Variants in RAG1 observed in about 807,000 individuals in gnomAD.
The protein encoded by RAG1 is V(D)J recombination-activating protein 1.
RAG1 carries 35 observed loss-of-function variants against 62.7 expected under a neutral mutation model. The ratio of observed to expected loss-of-function variants is 0.56; its 90% CI spans 0.43 to 0.74. The LOEUF (loss-of-function observed/expected upper bound fraction) is 0.74. Among genes scored for constraint, RAG1 ranks in the 30% least tolerant of loss-of-function variants. RAG1 has a pLI of 0.00. For synonymous variants in RAG1, 461 were observed against 470.3 expected (o/e 0.98, Z 0.26); for missense variants, 1,169 against 1,278.6 (o/e 0.91, Z 1.31).
chr11:36,561,379 T>C (rs533461949), intron 3 of RAG1, among the ~76,000 whole-genome samples: 92 of 152,340 alleles, frequency 6.0e-4, no homozygotes, highest in African/African-American at 2.2e-3. Flanking sequence ...CAGCCTTTGA[T>C]GCAAATTTCA....
intron 3 of RAG1, among the ~76,000 whole-genome samples, chr11:36,550,313 T>A (rs1425124654): frequency 6.6e-6 from 1 of 151,910 alleles, no homozygotes; most frequent in Non-Finnish European, 1.5e-5. Flanking sequence ...GTATACCAAA[T>A]CAAAAGATGG....
intron 2 of RAG1, among the ~76,000 whole-genome samples, chr11:36,533,494 A>G (rs1211408822): frequency 1.3e-5 from 2 of 152,174 alleles, no homozygotes; most frequent in East Asian, 3.8e-4. Flanking sequence ...GCCCTTTACT[A>G]AACTTTTGTG....
intron 2 of RAG1, among the ~76,000 whole-genome samples, chr11:36,529,764 G>C (rs1360977208): frequency 1.3e-5 from 2 of 151,866 alleles, no homozygotes; most frequent in African/African-American, 4.8e-5. Context: ...ATTCAGGAAG[G>C]ATATTGATTT....
rs1432514062 is a variant in RAG1 at position 36,568,179 on chromosome 11, C to T, written c.-15+57C>T. 3.3e-5 allele frequency: 5 copies of T among 152,108 alleles called. 1 individual carries two copies. The South Asian group carries it at 8.3e-4, about 25-fold the overall frequency. The allele number at this position is 152,108 out of a possible 1,614,324, so 9.4% of individuals were successfully genotyped here. A position where few individuals can be genotyped will look rare whatever the true frequency, so the allele number is the denominator to read the frequency against. ...AAATATTTATTACATTTTTATGTTT[C>T]TAACTAGAAGTGCTTGAGCTTTTTT... On this transcript the variant is annotated intron_variant, in intron 1 of 1. Transcript: ENST00000299440.
intron 1 of RAG1, among the ~76,000 whole-genome samples, chr11:36,514,622 G>A (rs1458626912): frequency 6.6e-6 from 1 of 152,210 alleles, no homozygotes; most frequent in Non-Finnish European, 1.5e-5. Context: ...TCCCATCTGG[G>A]GGTGATGAGA....
chr11:36,562,211 A>G (rs1395773026), intron 3 of RAG1, among the ~76,000 whole-genome samples: 2 of 152,190 alleles, frequency 1.3e-5, no homozygotes, highest in Non-Finnish European at 2.9e-5. Flanking sequence ...GAAGAGATAA[A>G]TGAAAGATAA....
rs1326692076 is a variant in RAG1, at chr11:36,574,423, TCAC to T, written c.1123_1125del (p.His375del). On this transcript the variant is annotated inframe_deletion, in exon 2 of 2. Transcript: ENST00000299440. ...AGGAGGTCAGTTTGGAAAAATATAA[TCAC>T]CACATCTCAAGTCACAAGGAATCAA... 6.2e-7 allele frequency: 1 copy of T among 1,614,170 alleles called. No individual in the cohort carries two copies. Among genetic ancestry groups the T allele is most frequent in the Admixed American group, 1.7e-5 (1 of 60,020 alleles).
upstream of RAG1, among the ~76,000 whole-genome samples, chr11:36,564,218 G>T (rs920378275): frequency 1.3e-5 from 2 of 152,180 alleles, no homozygotes; most frequent in African/African-American, 4.8e-5. Context: ...GACTGGTCAG[G>T]ATTAGCAAGA....
upstream of RAG1, among the ~76,000 whole-genome samples, chr11:36,566,226 A>G (rs1338035648): frequency 6.6e-6 from 1 of 152,068 alleles, no homozygotes; most frequent in African/African-American, 2.4e-5. Flanking sequence ...GACCTCAGAG[A>G]AATTTTCTAA....
upstream of RAG1, among the ~76,000 whole-genome samples, chr11:36,564,149 T>A (rs1850628967): frequency 6.6e-6 from 1 of 152,218 alleles, no homozygotes; most frequent in Non-Finnish European, 1.5e-5. Flanking sequence ...GAAGACATGG[T>A]CCTCATATCT....
intron 2 of RAG1, among the ~76,000 whole-genome samples, chr11:36,520,968 T>TC (rs1359580545): frequency 1.3e-5 from 2 of 151,738 alleles, no homozygotes; most frequent in Admixed American, 1.3e-4. Flanking sequence ...ATCTTTTTTT[T>TC]TTTTTTTTGA....
intron 2 of RAG1, among the ~76,000 whole-genome samples, chr11:36,534,720 T>C (rs368395478): frequency 1.3e-5 from 2 of 152,228 alleles, no homozygotes; most frequent in African/African-American, 4.8e-5. Flanking sequence ...AATCAATGTG[T>C]CTACCACAAT....
intron 3 of RAG1, among the ~76,000 whole-genome samples, chr11:36,549,275 G>T (rs1850446813): frequency 6.6e-6 from 1 of 152,168 alleles, no homozygotes; most frequent in South Asian, 2.1e-4. Flanking sequence ...TGACAAATGG[G>T]ATCTAATTAA....
rs141006198 is a variant in RAG1, at chr11:36,521,147, C to T, written n.428+918C>T. On this transcript the variant is annotated intron_variant and non_coding_transcript_variant, in intron 2 of 2. Coordinates refer to the RAG1 transcript ENST00000529126. ...GCAAATTTTGCATTTTTGGTAGAGACGGGGTTTCTCCATGTTGGTCAGGCT... is the reference window on the plus strand; with the variant it reads ...GCAAATTTTGCATTTTTGGTAGAGATGGGGTTTCTCCATGTTGGTCAGGCT... Among the ~76,000 whole-genome samples the T allele has an allele frequency of 3.0e-3, 451 of 151,930 alleles. 3 individuals carry two copies. Among genetic ancestry groups the T allele is most frequent in the African/African-American group, 0.01 (423 of 41,424 alleles).
At chr11:36,561,283 G>A (rs1414232461) in intron 3 of RAG1, among the ~76,000 whole-genome samples, 1 of 152,182 alleles carries the variant, frequency 6.6e-6, no homozygotes, top group African/African-American at 2.4e-5. Context: ...GCAGATGGGT[G>A]AGCATGGTCT....
downstream of RAG1, among the ~76,000 whole-genome samples, chr11:36,538,586 CA>C (rs1356745134): frequency 6.6e-6 from 1 of 152,170 alleles, no homozygotes; most frequent in African/African-American, 2.4e-5. Context: ...TTGAACTCAG[CA>C]TAAATCTTAC....
intron 2 of RAG1, among the ~76,000 whole-genome samples, chr11:36,527,763 A>C (rs1409790354): frequency 6.6e-6 from 1 of 150,786 alleles, no homozygotes; most frequent in Non-Finnish European, 1.5e-5. Context: ...ATTTCCTTCA[A>C]GTTCTCCTTA....
intron 1 of RAG1, among the ~76,000 whole-genome samples, chr11:36,570,187 T>G (rs1850719966): frequency 1.3e-5 from 2 of 152,184 alleles, no homozygotes; most frequent in Admixed American, 6.5e-5. Flanking sequence ...AAAAGGAGAT[T>G]TATTGCATCA....
intron 3 of RAG1, among the ~76,000 whole-genome samples, chr11:36,559,149 A>C (rs1199591818): frequency 6.6e-6 from 1 of 152,014 alleles, no homozygotes; most frequent in Non-Finnish European, 1.5e-5. Flanking sequence ...ATTTTCTTTT[A>C]GCACTTTGAC....
Sources: gnomAD v4.1 joint callset for allele counts (sites outside exome capture counted in the v4.1 genomes callset) on GRCh38, gnomAD v4.1.1 for gene constraint, MANE v1.5 for transcripts, NCBI Gene and HGNC (gene_info 2026-07-23, HGNC 2026-07-21) for gene names.